The following PPFIA4 variants were observed in gnomAD, a reference collection of about 807,000 sequenced individuals.
PPFIA4 encodes PPFI scaffold protein A4, also known as liprin-alpha-4.
In PPFIA4, 98 loss-of-function variants were observed where a neutral mutation model predicts 145.7. The observed-to-expected ratio is 0.67, with a 90% CI of 0.57 to 0.80. The LOEUF (loss-of-function observed/expected upper bound fraction) is 0.80. Ranked by LOEUF, PPFIA4 falls within the 30% of genes least tolerant of loss-of-function variation. The pLI is 0.00. For synonymous variants in PPFIA4, 628 were observed against 649.6 expected, an observed-to-expected ratio of 0.97 and a Z score of 0.51; for missense variants, 1,457 against 1,632.7, an observed-to-expected ratio of 0.89 and a Z score of 1.85.
chr1:203,040,302 C>G (rs972894210), intron 2 of PPFIA4, among the ~76,000 whole-genome samples: 1 of 152,200 alleles, frequency 6.6e-6, no homozygotes, highest in Non-Finnish European at 1.5e-5. Flanking sequence ...CATAGCCTAC[C>G]CTGACCCAGT....
intron 23 of PPFIA4, 138 bp from the exon 24 acceptor site, chr1:203,061,514 C>A: frequency 1.2e-6 from 1 of 848,104 alleles, no homozygotes; most frequent in Non-Finnish European, 1.8e-6. Flanking sequence ...CTCTCTTAAC[C>A]ATCCTGACGA....
In PPFIA4 at chr1:203,028,120, C is replaced by A. The variant is rs568909529; in HGVS notation, c.-400+1491C>A. ...GGGGGCCAAGAATGTCCTAGACACT[C>A]TGTGTAGTGGGAGACGCCATCTCTG... On this transcript the variant is annotated intron_variant, in intron 1 of 29. Coordinates refer to ENST00000295706, the MANE Select transcript of PPFIA4 (RefSeq NM_001304331.2). Among the ~76,000 whole-genome samples, 4 of 152,258 alleles carry A rather than the reference C, an allele frequency of 2.6e-5. No homozygotes were observed. In the East Asian group the frequency reaches 5.8e-4, roughly 22 times the overall value.
intron 1 of PPFIA4, among the ~76,000 whole-genome samples, chr1:203,031,640 A>G (rs962386088): frequency 2.0e-5 from 3 of 152,200 alleles, no homozygotes; most frequent in Admixed American, 1.3e-4. Flanking sequence ...TGATGGGTTG[A>G]TCTACGAATG....
At chr1:203,061,599 G>A (rs1278398672) in intron 23 of PPFIA4, 53 bp from the exon 24 acceptor site, 10 of 1,531,068 alleles carry the variant, frequency 6.5e-6, no homozygotes, top group Middle Eastern at 2.0e-4. Context: ...TAGAGCTGAT[G>A]GGTTTCTTGA....
At position 203,032,607 on chromosome 1, in the gene PPFIA4, A is replaced by AT. The variant is rs144372683; in HGVS notation, c.-399-5981dup. 8.3e-4 allele frequency among the ~76,000 whole-genome samples: 100 copies of AT among 121,128 alleles called. 1 individual carries two copies. The highest frequency in any genetic ancestry group is 8.5e-3 in the Middle Eastern group (2 of 234). The allele number at this position is 121,128 out of a possible 152,430, so 79.5% of individuals were successfully genotyped here. ...ACGCATGCCGCTGTGCCCAGCTAACATTTTTTTTTTTTTTTTTTTTTTAAG... is the reference window on the plus strand; with the variant it reads ...ACGCATGCCGCTGTGCCCAGCTAACATTTTTTTTTTTTTTTTTTTTTTTAAG... On this transcript the variant is annotated intron_variant, in intron 1 of 29. Coordinates refer to ENST00000295706, the MANE Select transcript of PPFIA4 (RefSeq NM_001304331.2).
chr1:203,041,996 G>T (rs1401817239), intron 2 of PPFIA4, among the ~76,000 whole-genome samples: 1 of 152,182 alleles, frequency 6.6e-6, no homozygotes, highest in Admixed American at 6.5e-5. Context: ...TCATGCTCTG[G>T]CATCTCTTGT....
chr1:203,053,764 T>C lies in PPFIA4; in HGVS notation c.1632T>C (p.Thr544=), dbSNP rs369981915. 1.9e-5 allele frequency: 29 copies of C among 1,550,702 alleles called. No individual in the cohort carries two copies. In the African/African-American group the frequency reaches 2.9e-4, roughly 15 times the overall value. Residue 544 remains threonine, a synonymous_variant, in exon 15 of 30, where the codon ACT becomes ACC. Coordinates refer to ENST00000295706, the MANE Select transcript of PPFIA4 (RefSeq NM_001304331.2). ...CCTCCTTTGCTAAGGACTGGGAGAC[T>C]TCTCCACTGCCTGGGATGCTGGCCC... ...LREESAKDWE[T]SPLPGMLAPA...
At chr1:203,045,770 G>A (rs1558074709) in intron 7 of PPFIA4, 71 bp from the exon 8 acceptor site, 20 of 1,603,868 alleles carry the variant, frequency 1.2e-5, no homozygotes, top group Non-Finnish European at 1.4e-5. Context: ...CCAGGTGTGG[G>A]TGGGGAGGTG....
intron 24 of PPFIA4, chr1:203,063,446 TC>T: frequency 5.2e-6 from 1 of 191,944 alleles, no homozygotes; most frequent in Non-Finnish European, 1.1e-5. Flanking sequence ...ACACAGCCTC[TC>T]CCCTGGGCTC....
chr1:203,050,402 C>G (rs778152354), intron 13 of PPFIA4, among the ~76,000 whole-genome samples: 1 of 152,288 alleles, frequency 6.6e-6, no homozygotes, highest in East Asian at 1.9e-4. Context: ...CGAGCCTGTC[C>G]TCAGTACCCA....
intron 25 of PPFIA4, among the ~76,000 whole-genome samples, chr1:203,066,520 C>T (rs776355912): frequency 8.5e-5 from 13 of 152,208 alleles, no homozygotes; most frequent in Non-Finnish European, 1.5e-4. Context: ...AAGAACACTA[C>T]AGCTCTTCCA....
In PPFIA4 at chr1:203,075,544, G is replaced by A; in HGVS notation, c.3394-33G>A. ...GCGTGAGGATGGCAATTCCAACAGG[G>A]CCCTCGGGCCTCTGGTGTCCCCCAT... On this transcript the variant is annotated intron_variant, in intron 28 of 29. Coordinates refer to ENST00000295706, the MANE Select transcript of PPFIA4 (RefSeq NM_001304331.2). This position sits in a 1 kb window ranked among gnomAD's most constrained non-coding sequence, Gnocchi z 4.1. 1.5e-6 allele frequency: 2 copies of A among 1,368,004 alleles called. No individual in the cohort carries two copies. Among genetic ancestry groups the A allele is most frequent in the Non-Finnish European group, 9.5e-7 (1 of 1,053,936 alleles). The allele number at this position is 1,368,004 out of a possible 1,614,324, so 84.7% of individuals were successfully genotyped here.
Position 203,059,783 on chromosome 1 carries a change from G to C in PPFIA4, c.2515G>C (p.Glu839Gln). ...TCTTCCTATAAGACACCAGCTGCTT[G>C]AAGATGCCCGCAGGAAAGGAATGCC... ...RRLKKKHQLLEDARRKGMPFA... is the reference protein window; with the variant it reads ...RRLKKKHQLLQDARRKGMPFA... The change falls in exon 21 of 30, where the codon GAA (glutamate) becomes CAA (glutamine). Residue 839 changes from glutamate (E) to glutamine (Q), a missense_variant. By Grantham distance (29) the Glu-to-Gln change is conservative. Coordinates refer to ENST00000295706, the MANE Select transcript of PPFIA4 (RefSeq NM_001304331.2). 1 of 1,613,556 alleles carries C rather than the reference G, an allele frequency of 6.2e-7. No individual in the cohort carries two copies. Among genetic ancestry groups the C allele is most frequent in the South Asian group, 1.1e-5 (1 of 90,908 alleles).
Position 203,068,602 on chromosome 1 carries a change from C to A in PPFIA4, c.3298C>A (p.Leu1100Ile). 6.4e-7 allele frequency: 1 copy of A among 1,562,620 alleles called. No individual in the cohort carries two copies. The change falls in exon 27 of 30, where the codon CTC becomes ATC. Residue 1100 changes from leucine (L) to isoleucine (I), a missense_variant. Physicochemically the swap from Leu to Ile is conservative, Grantham distance 5. Around this residue, in one of 3 missense-constraint regions of PPFIA4, gnomAD observed 848 missense variants for 1,046.7 expected, o/e 0.81. Coordinates refer to ENST00000295706, the MANE Select transcript of PPFIA4 (RefSeq NM_001304331.2). This position sits in a 1 kb window ranked among gnomAD's most constrained non-coding sequence, Gnocchi z 4.7. ...NFDHNTLALI[L>I]QIPTQNTQAR... Reference sequence around the variant, plus strand: ...CGACCACAACACACTGGCCCTGATCCTCCAGATCCCCACACAGAACACCCA... The same window carrying A: ...CGACCACAACACACTGGCCCTGATCATCCAGATCCCCACACAGAACACCCA...
chr1:203,044,222 T>C, intron 4 of PPFIA4, 127 bp downstream of exon 4: 1 of 1,219,818 alleles, frequency 8.2e-7, no homozygotes, highest in Non-Finnish European at 1.1e-6. Flanking sequence ...TTGTCTTAAC[T>C]TCAAGGTCCT....
chr1:203,042,618 C>G (rs1390828304), intron 2 of PPFIA4, among the ~76,000 whole-genome samples: 1 of 152,136 alleles, frequency 6.6e-6, no homozygotes, highest in African/African-American at 2.4e-5. Flanking sequence ...AGCTCTTTCT[C>G]TTCCCTGTTT....
chr1:203,027,704 T>C (rs115127879), intron 1 of PPFIA4, among the ~76,000 whole-genome samples: 1,709 of 152,292 alleles, frequency 0.011, 31 homozygotes, highest in African/African-American at 0.038. Context: ...ACACCTACTA[T>C]CTGCCAGATA....
chr1:203,067,943 A>T (rs1482920089), intron 26 of PPFIA4, among the ~76,000 whole-genome samples, 151 bp downstream of exon 26: 1 of 152,056 alleles, frequency 6.6e-6, no homozygotes, highest in East Asian at 1.9e-4. Flanking sequence ...TCCCAGTCTG[A>T]TGGAGGAGAC....
At chr1:203,027,576 G>T (rs189868352) in intron 1 of PPFIA4, among the ~76,000 whole-genome samples, 26 of 152,212 alleles carry the variant, frequency 1.7e-4, no homozygotes, top group African/African-American at 6.0e-4. Flanking sequence ...ATCCCCTCCT[G>T]GTGTGAGCTT....
Sources: allele counts gnomAD v4.1 joint callset (sites outside exome capture counted in the v4.1 genomes callset), GRCh38; gene constraint gnomAD v4.1.1; regional missense constraint gnomAD v4.1.1; non-coding constraint Gnocchi (gnomAD v3.1); transcripts MANE v1.5; gene names NCBI Gene and HGNC (gene_info 2026-07-23, HGNC 2026-07-21).